The following PLOD2 variants were observed in gnomAD, a reference collection of about 807,000 sequenced individuals.
PLOD2 encodes lysine hydroxylase 2.
In PLOD2, 65 loss-of-function variants were observed where a neutral mutation model predicts 101.0. The observed-to-expected ratio is 0.64, with a 90% CI of 0.53 to 0.79. The LOEUF (loss-of-function observed/expected upper bound fraction) is 0.79, where lower values mean the gene tolerates loss of function less well. Among genes scored for constraint, PLOD2 ranks in the 30% least tolerant of loss-of-function variants. The pLI is 0.00. For missense variants in PLOD2, 909 were observed against 914.6 expected (o/e 0.99, Z 0.08); for synonymous variants, 314 against 302.9 (o/e 1.04, Z -0.38).
At chr3:146,159,583 C>T (rs2032469157) in intron 1 of PLOD2, among the ~76,000 whole-genome samples, 1 of 152,146 alleles carries the variant, frequency 6.6e-6, no homozygotes, top group Middle Eastern at 3.2e-3. Context: ...TTTTAAATTT[C>T]TCTACTTCCA....
At chr3:146,124,935 TC>T (rs1163963538) in intron 1 of PLOD2, among the ~76,000 whole-genome samples, 2 of 152,132 alleles carry the variant, frequency 1.3e-5, no homozygotes, top group Non-Finnish European at 2.9e-5. Context: ...ACATAACACT[TC>T]TTTTTAGTAA....
At chr3:146,076,572 T>G in intron 15 of PLOD2, 1 of 383,780 alleles carries the variant, frequency 2.6e-6, no homozygotes, top group Non-Finnish European at 4.7e-6. Context: ...CATTCCCTTT[T>G]CTCCGTAGCC....
At chr3:146,144,097 A>G (rs2031657271) in intron 1 of PLOD2, among the ~76,000 whole-genome samples, 1 of 152,134 alleles carries the variant, frequency 6.6e-6, no homozygotes. Flanking sequence ...GATAAAAAGC[A>G]TCTCCTGAAA....
Position 146,124,344 on chromosome 3 carries a change from T to G in PLOD2, c.110-115A>C, listed in dbSNP as rs1026154201. 8 of 662,876 alleles carry G rather than the reference T, an allele frequency of 1.2e-5. No homozygotes were observed. In the African/African-American group the frequency reaches 1.4e-4, roughly 12 times the overall value. 41.1% of individuals were successfully genotyped at this position (662,876 alleles called of 1,614,324 possible). Reference sequence around the variant, plus strand: ...AACCCGTGGGAATATTCTGGTTTACTTATCTACACAAGACTAAACAAAGAG... The same window carrying G: ...AACCCGTGGGAATATTCTGGTTTACGTATCTACACAAGACTAAACAAAGAG... On this transcript the variant is annotated intron_variant, in intron 1 of 19. Coordinates refer to ENST00000282903, the MANE Select transcript of PLOD2 (RefSeq NM_182943.3).
chr3:146,126,159 G>C (rs986608020), intron 1 of PLOD2, among the ~76,000 whole-genome samples: 2 of 152,136 alleles, frequency 1.3e-5, no homozygotes, highest in African/African-American at 4.8e-5. Flanking sequence ...GTCTGACCAT[G>C]TCCAGCAATC....
intron 5 of PLOD2, 103 bp downstream of exon 5, chr3:146,106,429 C>G: frequency 1.3e-6 from 1 of 743,706 alleles, no homozygotes; most frequent in Non-Finnish European, 2.5e-6. Context: ...TACCATTTGC[C>G]ATACTATCAT....
rs367596665 is a variant in PLOD2, at chr3:146,079,274, G to A, written c.1359-17C>T. On this transcript the variant is annotated splice_polypyrimidine_tract_variant and intron_variant, in intron 12 of 19. Transcript: ENST00000282903. ...CATACTCCTCTGAAAGTAAAGAGAAGACATTCTTATATACCACAAATACAA... is the reference window on the plus strand; with the variant it reads ...CATACTCCTCTGAAAGTAAAGAGAAAACATTCTTATATACCACAAATACAA... The A allele has an allele frequency of 8.2e-6, 13 of 1,588,096 alleles. No homozygotes were observed. In the East Asian group the frequency reaches 2.9e-4, roughly 36 times the overall value.
Position 146,085,293 on chromosome 3 carries a change from T to C in PLOD2, c.1128-20A>G, listed in dbSNP as rs368881025. 3.4e-6 allele frequency: 4 copies of C among 1,169,438 alleles called. No individual in the cohort carries two copies. In the African/African-American group the frequency reaches 4.5e-5, roughly 13 times the overall value. 72.4% of individuals were successfully genotyped at this position (1,169,438 alleles called of 1,614,324 possible). A position where few individuals can be genotyped will look rare whatever the true frequency, so the allele number is the denominator to read the frequency against. On this transcript the variant is annotated intron_variant, in intron 10 of 19. Transcript: ENST00000282903. ...AAGTCCCTAACAGTGAAAAAGAAAATGAAATGGGCATGACATAAAATAAAT... is the reference window on the plus strand; with the variant it reads ...AAGTCCCTAACAGTGAAAAAGAAAACGAAATGGGCATGACATAAAATAAAT...
At chr3:146,150,873 A>G (rs2032022177) in intron 1 of PLOD2, among the ~76,000 whole-genome samples, 1 of 152,244 alleles carries the variant, frequency 6.6e-6, no homozygotes, top group Non-Finnish European at 1.5e-5. Context: ...CCTCTCTGAA[A>G]ACAGAAAATA....
At chr3:146,124,316 C>A in intron 1 of PLOD2, 87 bp from the exon 2 acceptor site, 1 of 749,742 alleles carries the variant, frequency 1.3e-6, no homozygotes, top group Non-Finnish European at 2.4e-6. Flanking sequence ...TGAGACCTCA[C>A]TAAACCCGTG....
chr3:146,136,914 C>T (rs1197632979), intron 1 of PLOD2, among the ~76,000 whole-genome samples: 1 of 152,050 alleles, frequency 6.6e-6, no homozygotes. Flanking sequence ...GTATCTTTGT[C>T]GTTATGCAAC....
At chr3:146,129,812 G>C (rs1259287493) in intron 1 of PLOD2, among the ~76,000 whole-genome samples, 1 of 152,026 alleles carries the variant, frequency 6.6e-6, no homozygotes, top group Non-Finnish European at 1.5e-5. Flanking sequence ...CTCTAGATAC[G>C]CCTTCTCAAA....
At chr3:146,133,005 C>A (rs192742432) in intron 1 of PLOD2, among the ~76,000 whole-genome samples, 1 of 152,108 alleles carries the variant, frequency 6.6e-6, no homozygotes, top group Non-Finnish European at 1.5e-5. Flanking sequence ...GAAACCCGGT[C>A]TCTACTAAAA....
intron 2 of PLOD2, 99 bp downstream of exon 2, chr3:146,124,039 C>T (rs2030380650): frequency 4.1e-6 from 3 of 736,030 alleles, no homozygotes; most frequent in East Asian, 2.6e-5. Flanking sequence ...TAACCAAATG[C>T]TATCTTCCTT....
At chr3:146,160,152 A>G (rs1410539971) in intron 1 of PLOD2, among the ~76,000 whole-genome samples, 1 of 152,230 alleles carries the variant, frequency 6.6e-6, no homozygotes, top group Non-Finnish European at 1.5e-5. Context: ...CATGTGCCAC[A>G]AAAGGCAGCA....
intron 4 of PLOD2, among the ~76,000 whole-genome samples, chr3:146,107,859 G>A (rs1474770480): frequency 6.6e-6 from 1 of 151,726 alleles, no homozygotes; most frequent in Non-Finnish European, 1.5e-5. Flanking sequence ...GGTCAGACTG[G>A]TCTCGAACTC....
chr3:146,148,340 A>ACG (rs947734242), intron 1 of PLOD2, among the ~76,000 whole-genome samples: 96 of 81,408 alleles, frequency 1.2e-3, no homozygotes, highest in South Asian at 0.01. Flanking sequence ...GCAGGCACGC[A>ACG]CACACACACA....
intron 1 of PLOD2, among the ~76,000 whole-genome samples, chr3:146,129,668 A>C (rs2030792342): frequency 6.6e-6 from 1 of 152,202 alleles, no homozygotes; most frequent in South Asian, 2.1e-4. Context: ...TGCAAGATAG[A>C]CTGTAGGTGA....
chr3:146,161,181 C>T lies in PLOD2; in HGVS notation c.-192G>A, dbSNP rs1032864416. On this transcript the variant is annotated 5_prime_UTR_variant, in exon 1 of 20. Coordinates refer to ENST00000282903, the MANE Select transcript of PLOD2 (RefSeq NM_182943.3). ...TGAGGTCGTCGGTGGAGGCACGGAGCAGCAGGCGCCCGGGGCGCTGCGGAG... is the reference window on the plus strand; with the variant it reads ...TGAGGTCGTCGGTGGAGGCACGGAGTAGCAGGCGCCCGGGGCGCTGCGGAG... The T allele has an allele frequency of 2.4e-5, 9 of 374,616 alleles. No homozygotes were observed. The highest frequency in any genetic ancestry group is 1.9e-4 in the African/African-American group (9 of 46,618). The allele number at this position is 374,616 out of a possible 1,614,324, so 23.2% of individuals were successfully genotyped here.
Sources: gnomAD v4.1 joint callset for allele counts (sites outside exome capture counted in the v4.1 genomes callset) on GRCh38, gnomAD v4.1.1 for gene constraint, MANE v1.5 for transcripts, NCBI Gene and HGNC (gene_info 2026-07-23, HGNC 2026-07-21) for gene names.